UGT1A7: variants seen among roughly 807,000 people sequenced by gnomAD.
UGT1A7 encodes the protein UDP glucuronosyltransferase family 1 member A7, also known as UDP-glucuronosyltransferase 1A7.
UGT1A7 carries 33 observed loss-of-function variants against 45.6 expected under a neutral mutation model. The ratio of observed to expected loss-of-function variants is 0.72; its 90% CI spans 0.55 to 0.97. UGT1A7 has a LOEUF of 0.97. Ranked by LOEUF, UGT1A7 falls within the 50% of genes least tolerant of loss-of-function variation. The pLI is 0.00. For missense variants in UGT1A7, 684 were observed against 666.2 expected (o/e 1.03, Z -0.29); for synonymous variants, 274 against 250.6 (o/e 1.09, Z -0.88).
intron 1 of UGT1A7, among the ~76,000 whole-genome samples, chr2:233,736,093 C>T (rs2125798451): frequency 1.3e-5 from 2 of 152,304 alleles, no homozygotes; most frequent in South Asian, 4.2e-4. Flanking sequence ...TGGATAATAT[C>T]CTGAAGAGTG....
Position 233,704,417 on chromosome 2 carries a change from AC to A in UGT1A7, c.855+21626del, listed in dbSNP as rs57721875. Among the ~76,000 whole-genome samples, 1,452 of 152,082 alleles carry A rather than the reference AC, an allele frequency of 9.5e-3. 33 individuals are homozygous for A. Among genetic ancestry groups the A allele is most frequent in the African/African-American group, 0.033 (1,359 of 41,510 alleles). ...CAGTATCTACTTCAGATTTATACCA[AC>A]TTAATTCCAGTTAAATATTGAAATG... is the stretch of plus-strand genomic sequence containing the variant. On this transcript the variant is annotated intron_variant, in intron 1 of 4. Transcript: ENST00000373426.
At position 233,700,243 on chromosome 2, in the gene UGT1A7, C is replaced by T. The variant is rs28898585; in HGVS notation, c.855+17451C>T. ...CTAGGCAACTCAGTAGAACAAAAGC[C>T]CCAAAATGCCAAGTCATTCTTAATA... On this transcript the variant is annotated intron_variant, in intron 1 of 4. Transcript: ENST00000373426. Among the ~76,000 whole-genome samples the T allele has an allele frequency of 7.4e-3, 1,126 of 152,274 alleles. 17 individuals carry two copies. Among genetic ancestry groups the T allele is most frequent in the African/African-American group, 0.025 (1,040 of 41,540 alleles).
rs28899171 is a variant in UGT1A7, at chr2:233,696,481, G to T, written c.855+13689G>T. On this transcript the variant is annotated intron_variant, in intron 1 of 4. Transcript: ENST00000373426. The stretch of plus-strand genomic sequence containing the variant: ...TTTTTGTAAGTTGATCTTGTATACT[G>T]CAACTTTACCGAATTTGCTTGTCAG... Among the ~76,000 whole-genome samples, 634 of 152,208 alleles carry T rather than the reference G, an allele frequency of 4.2e-3. 4 individuals carry two copies. Among genetic ancestry groups the T allele is most frequent in the African/African-American group, 0.015 (607 of 41,508 alleles).
intron 3 of UGT1A7, 76 bp from the exon 4 acceptor site, chr2:233,768,144 T>C: frequency 6.2e-7 from 1 of 1,610,934 alleles, no homozygotes; most frequent in Non-Finnish European, 8.5e-7. Context: ...CTTTGGAGTG[T>C]TTTCAGAACC....
chr2:233,764,014 A>C (rs28900399), intron 1 of UGT1A7, among the ~76,000 whole-genome samples: 1 of 152,334 alleles, frequency 6.6e-6, no homozygotes, highest in Non-Finnish European at 1.5e-5. Flanking sequence ...GATGACCCAC[A>C]TGGTGTCTAA....
intron 1 of UGT1A7, chr2:233,743,844 TGCGGTACGC>T: frequency 7.3e-7 from 1 of 1,367,272 alleles, no homozygotes; most frequent in Non-Finnish European, 9.8e-7. Context: ...AGCGCCAGCT[TGCGGTACGC>T]CTTCTTGATG....
chr2:233,760,180 T>C (rs1376949252), intron 1 of UGT1A7: 1 of 1,548,272 alleles, frequency 6.5e-7, no homozygotes, highest in Non-Finnish European at 8.7e-7. Flanking sequence ...GACAGCTTTT[T>C]ATAGTCACGT....
At chr2:233,729,011 T>C (rs1409694285) in intron 1 of UGT1A7, 2 of 1,584,574 alleles carry the variant, frequency 1.3e-6, no homozygotes, top group African/African-American at 1.3e-5. Context: ...CACTCTGTCT[T>C]CCAATTACAC....
At chr2:233,730,000 A>T (rs569428615) in intron 1 of UGT1A7, 15 of 1,614,004 alleles carry the variant, frequency 9.3e-6, no homozygotes, top group Non-Finnish European at 1.1e-5. Flanking sequence ...TCAGGTCTGT[A>T]TTGGTGCCTT....
chr2:233,753,284 A>G (rs1327448691), intron 1 of UGT1A7: 1 of 152,242 alleles, frequency 6.6e-6, no homozygotes, highest in African/African-American at 2.4e-5. Context: ...TTGATTTCAG[A>G]GTTCAGTGTG....
At chr2:233,729,310 A>G (rs771983234) in intron 1 of UGT1A7, 1 of 1,614,266 alleles carries the variant, frequency 6.2e-7, no homozygotes, top group Non-Finnish European at 8.5e-7. Flanking sequence ...AGTGGTCCTC[A>G]CCCCAGAGGT....
intron 1 of UGT1A7, chr2:233,719,325 G>A (rs771082212): frequency 1.1e-5 from 18 of 1,613,804 alleles, no homozygotes; most frequent in African/African-American, 2.7e-5. Flanking sequence ...GTCGATTCCT[G>A]CTGTGTTTTT....
chr2:233,714,291 C>T (rs1156698569), intron 1 of UGT1A7, among the ~76,000 whole-genome samples: 1 of 152,082 alleles, frequency 6.6e-6, no homozygotes, highest in African/African-American at 2.4e-5. Flanking sequence ...TTTAGTGGTC[C>T]CATCTTGCAA....
Position 233,715,881 on chromosome 2 carries a change from C to T in UGT1A7, c.855+33089C>T, listed in dbSNP as rs867563291. Among the ~76,000 whole-genome samples the T allele has an allele frequency of 2.6e-5, 4 of 152,154 alleles. No individual in the cohort carries two copies. In the South Asian group the frequency reaches 8.3e-4, roughly 32 times the overall value. On this transcript the variant is annotated intron_variant, in intron 1 of 4. Coordinates refer to ENST00000373426, the MANE Select transcript of UGT1A7 (RefSeq NM_019077.3). Reference sequence around the variant, plus strand: ...GGTGCAGTAGCTTGTGCCTGTGGCCCCAGCTACTTGGGAGGCTCAGGTGGG... The same window carrying T: ...GGTGCAGTAGCTTGTGCCTGTGGCCTCAGCTACTTGGGAGGCTCAGGTGGG...
chr2:233,739,953 G>A (rs1339008674), intron 1 of UGT1A7, among the ~76,000 whole-genome samples: 1 of 151,912 alleles, frequency 6.6e-6, no homozygotes, highest in Non-Finnish European at 1.5e-5. Context: ...CCTGGTGGGA[G>A]CTGATTGAAT....
At position 233,682,228 on chromosome 2, in the gene UGT1A7, C is replaced by T; in HGVS notation, c.291C>T (p.Arg97=). The T allele has an allele frequency of 1.2e-6, 2 of 1,614,236 alleles. No individual in the cohort carries two copies. The highest frequency in any genetic ancestry group is 1.7e-6 in the Non-Finnish European group (2 of 1,180,036). The change falls in exon 1 of 5, where the codon CGC becomes CGT. Residue 97 remains arginine, a synonymous_variant. Transcript: ENST00000373426. Reference sequence around the variant, plus strand: ...AGTTCATGGTTTTTGCCGATGCTCGCTGGACGGCACCATTGCGAAGTGCAT... The same window carrying T: ...AGTTCATGGTTTTTGCCGATGCTCGTTGGACGGCACCATTGCGAAGTGCAT... ...DREFMVFADA[R]WTAPLRSAFS...
intron 1 of UGT1A7, among the ~76,000 whole-genome samples, chr2:233,759,447 C>G (rs1697141448): frequency 1.3e-5 from 2 of 152,254 alleles, no homozygotes; most frequent in Non-Finnish European, 2.9e-5. Context: ...TAAATCCAGG[C>G]CCAGTTAGCC....
At position 233,725,271 on chromosome 2, in the gene UGT1A7, GAGGCAGAGGCAGAGGCA is replaced by G. The variant is rs1559370545; in HGVS notation, c.856-41762_856-41746del. ...AGAGGAGGCAGAGGCAGAGGAGGCAGAGGCAGAGGCAGAGGCAGAGGCAGAGGCAGAGGCAGAGGCAG... is the reference window on the plus strand; with the variant it reads ...AGAGGAGGCAGAGGCAGAGGAGGCAGGAGGCAGAGGCAGAGGCAGAGGCAG... On this transcript the variant is annotated intron_variant, in intron 1 of 4. Coordinates refer to ENST00000373426, the MANE Select transcript of UGT1A7 (RefSeq NM_019077.3). 2.2e-4 allele frequency among the ~76,000 whole-genome samples: 9 copies of G among 41,180 alleles called. 2 individuals are homozygous for G. The East Asian group carries it at 5.2e-3, about 24-fold the overall frequency. 27.0% of individuals were successfully genotyped at this position (41,180 alleles called of 152,430 possible). A position where few individuals can be genotyped will look rare whatever the true frequency, so the allele number is the denominator to read the frequency against.
intron 1 of UGT1A7, chr2:233,730,092 A>G: frequency 1.3e-6 from 2 of 1,595,278 alleles, no homozygotes. Context: ...TTATCTTTCC[A>G]AATATTTCAT....
Sources: allele counts gnomAD v4.1 joint callset (sites outside exome capture counted in the v4.1 genomes callset), GRCh38; gene constraint gnomAD v4.1.1; transcripts MANE v1.5; gene names NCBI Gene and HGNC (gene_info 2026-07-23, HGNC 2026-07-21).